CLRN2: variants seen among roughly 807,000 people sequenced by gnomAD.
CLRN2 encodes the protein clarin-2.
In CLRN2, 17 loss-of-function variants were observed where a neutral mutation model predicts 20.1. That is an observed-to-expected ratio of 0.85 (90% CI 0.58 to 1.27). The LOEUF (loss-of-function observed/expected upper bound fraction) is 1.27. Ranked by LOEUF, CLRN2 falls within the 50% of genes most tolerant of loss-of-function variation. The pLI is 0.00. For synonymous variants in CLRN2, 140 were observed against 126.9 expected (o/e 1.10, Z -0.70); for missense variants, 288 against 299.5 (o/e 0.96, Z 0.28).
chr4:17,518,062 A>G (rs373405115), intron 1 of CLRN2, among the ~76,000 whole-genome samples: 2 of 1,068 alleles, frequency 1.9e-3, no homozygotes, highest in African/African-American at 1.9e-3. Context: ...CCATCTGTAG[A>G]AAAAAAAAAA....
chr4:17,525,809 CTA>C (rs1396233258), intron 2 of CLRN2, among the ~76,000 whole-genome samples: 1 of 152,070 alleles, frequency 6.6e-6, no homozygotes, highest in African/African-American at 2.4e-5. Context: ...AAGAAAAACA[CTA>C]AAATGTTCAA....
chr4:17,516,551 C>T (rs573355018), intron 1 of CLRN2, among the ~76,000 whole-genome samples: 3 of 152,084 alleles, frequency 2.0e-5, no homozygotes, highest in East Asian at 3.9e-4. Context: ...AAGCTGGAAC[C>T]GTTGACAAAT....
At chr4:17,524,588 A>G (rs973801368) in intron 2 of CLRN2, among the ~76,000 whole-genome samples, 3 of 152,162 alleles carry the variant, frequency 2.0e-5, no homozygotes, top group African/African-American at 7.2e-5. Flanking sequence ...CCTCATCTGC[A>G]TGAATCCTCA....
chr4:17,523,233 G>C (rs62295084), intron 2 of CLRN2, among the ~76,000 whole-genome samples, 190 bp downstream of exon 2: 1 of 128,984 alleles, frequency 7.8e-6, no homozygotes, highest in Admixed American at 8.0e-5. Context: ...TTTTTTCTTT[G>C]AGACAGGGTC....
intron 1 of CLRN2, among the ~76,000 whole-genome samples, chr4:17,521,412 G>T (rs1055883817): frequency 6.6e-6 from 1 of 152,242 alleles, no homozygotes; most frequent in Non-Finnish European, 1.5e-5. Context: ...AAAGGAACTA[G>T]TTCCATCAGG....
chr4:17,524,285 C>T (rs547309306), intron 2 of CLRN2, among the ~76,000 whole-genome samples: 59 of 151,724 alleles, frequency 3.9e-4, no homozygotes, highest in African/African-American at 1.4e-3. Flanking sequence ...AATTAATTCA[C>T]ATTTAATTAT....
chr4:17,518,482 C>T (rs1356136146), intron 1 of CLRN2, among the ~76,000 whole-genome samples: 2 of 152,174 alleles, frequency 1.3e-5, no homozygotes, highest in Non-Finnish European at 2.9e-5. Flanking sequence ...AACATCTGGC[C>T]GGGTACAGTG....
At chr4:17,519,669 A>G (rs1295864165) in intron 1 of CLRN2, among the ~76,000 whole-genome samples, 1 of 152,138 alleles carries the variant, frequency 6.6e-6, no homozygotes, top group Non-Finnish European at 1.5e-5. Flanking sequence ...TTCAAGCTAG[A>G]AACTTAAATT....
intron 2 of CLRN2, among the ~76,000 whole-genome samples, chr4:17,526,499 G>T (rs549821879): frequency 1.3e-5 from 2 of 152,288 alleles, no homozygotes; most frequent in Middle Eastern, 3.4e-3. Flanking sequence ...GGCAGAGGTT[G>T]CAGTGAGCTG....
chr4:17,518,463 G>C (rs1711748808), intron 1 of CLRN2, among the ~76,000 whole-genome samples: 1 of 152,146 alleles, frequency 6.6e-6, no homozygotes, highest in African/African-American at 2.4e-5. Flanking sequence ...ACTTGCCCTA[G>C]AAAAGCTTAA....
chr4:17,524,211 T>C (rs1711903537), intron 2 of CLRN2, among the ~76,000 whole-genome samples: 1 of 71,670 alleles, frequency 1.4e-5, no homozygotes, highest in South Asian at 4.7e-4. Context: ...AAGATGTGTG[T>C]GTGTGTGTGT....
chr4:17,524,780 C>G (rs540527331), intron 2 of CLRN2, among the ~76,000 whole-genome samples: 13 of 151,498 alleles, frequency 8.6e-5, no homozygotes, highest in Non-Finnish European at 1.9e-4. Flanking sequence ...AATTAGCTGT[C>G]CATGGTGTCC....
At chr4:17,521,208 G>C (rs1225306863) in intron 1 of CLRN2, among the ~76,000 whole-genome samples, 1 of 152,166 alleles carries the variant, frequency 6.6e-6, no homozygotes, top group East Asian at 1.9e-4. Context: ...TTCCAATGCT[G>C]ATTAGATAAC....
intron 1 of CLRN2, among the ~76,000 whole-genome samples, chr4:17,516,357 C>G (rs1465728029): frequency 2.0e-5 from 3 of 152,230 alleles, no homozygotes; most frequent in Non-Finnish European, 4.4e-5. Flanking sequence ...CAATATTCTG[C>G]AAGCCTTTTG....
chr4:17,520,299 A>T (rs1045051375), intron 1 of CLRN2, among the ~76,000 whole-genome samples: 13 of 152,204 alleles, frequency 8.5e-5, no homozygotes, highest in Admixed American at 2.6e-4. Context: ...GGTTTCAATC[A>T]TTATGTGGAT....
At chr4:17,521,104 C>A (rs1343196552) in intron 1 of CLRN2, among the ~76,000 whole-genome samples, 1 of 151,914 alleles carries the variant, frequency 6.6e-6, no homozygotes, top group Non-Finnish European at 1.5e-5. Context: ...AAAAAAAAAT[C>A]TAAGGGACAT....
intron 1 of CLRN2, among the ~76,000 whole-genome samples, chr4:17,521,786 A>C (rs1454033504): frequency 6.6e-6 from 1 of 152,210 alleles, no homozygotes; most frequent in Non-Finnish European, 1.5e-5. Flanking sequence ...ATACAGCTGA[A>C]CCCTGATTAG....
intron 1 of CLRN2, among the ~76,000 whole-genome samples, chr4:17,521,146 C>T (rs937433895): frequency 4.6e-5 from 7 of 152,040 alleles, no homozygotes; most frequent in African/African-American, 1.2e-4. Context: ...GGAAGAAAGA[C>T]GCTTTACAAA....
rs896614666 is a variant in CLRN2, at chr4:17,520,320, C to A, written c.254-2544C>A. On this transcript the variant is annotated intron_variant, in intron 1 of 2. Transcript: ENST00000511148. ...AATCATTATGTGGATATAATTCTTTCTTTTTAAAAGATGAATTATATACAT... is the reference window on the plus strand; with the variant it reads ...AATCATTATGTGGATATAATTCTTTATTTTTAAAAGATGAATTATATACAT... Among the ~76,000 whole-genome samples the A allele has an allele frequency of 2.0e-5, 3 of 152,194 alleles. 1 individual carries two copies. The highest frequency in any genetic ancestry group is 6.5e-5 in the Admixed American group (1 of 15,278).
Sources: gnomAD v4.1 joint callset for allele counts (sites outside exome capture counted in the v4.1 genomes callset) on GRCh38, gnomAD v4.1.1 for gene constraint, MANE v1.5 for transcripts, NCBI Gene and HGNC (gene_info 2026-07-23, HGNC 2026-07-21) for gene names.